Variants in CMTM8 observed in about 807,000 individuals in gnomAD.
CMTM8 encodes the protein CKLF like MARVEL transmembrane domain containing 8, also known as CKLF-like MARVEL transmembrane domain-containing protein 8.
Under a neutral mutation model 18.6 loss-of-function variants are expected in CMTM8, and 12 were observed. The observed-to-expected ratio is 0.65, with a 90% CI of 0.41 to 1.05. CMTM8 has a LOEUF of 1.05. Among genes scored for constraint, CMTM8 ranks in the 50% least tolerant of loss-of-function variants. The pLI is 0.00. For missense variants in CMTM8, 217 were observed against 227.2 expected (o/e 0.95, Z 0.29); for synonymous variants, 87 against 90.6 (o/e 0.96, Z 0.23).
intron 1 of CMTM8, among the ~76,000 whole-genome samples, chr3:32,300,233 G>C (rs1239817003): frequency 1.3e-5 from 2 of 152,178 alleles, no homozygotes; most frequent in East Asian, 3.9e-4. Flanking sequence ...ACCCAGCAAG[G>C]GCTGTCTGTT....
chr3:32,350,814 C>T (rs968728896), intron 1 of CMTM8, among the ~76,000 whole-genome samples: 4 of 151,918 alleles, frequency 2.6e-5, no homozygotes, highest in African/African-American at 7.3e-5. Context: ...TGAGCCACCA[C>T]GTCAAGCCTA....
At chr3:32,259,347 G>A (rs1417165573) in intron 1 of CMTM8, 1 of 741,020 alleles carries the variant, frequency 1.3e-6, no homozygotes, top group Non-Finnish European at 2.5e-6. Context: ...AAAGACCTGA[G>A]GGCTCAGGTC....
At chr3:32,333,498 T>C (rs554630752) in intron 1 of CMTM8, among the ~76,000 whole-genome samples, 2 of 152,302 alleles carry the variant, frequency 1.3e-5, no homozygotes, top group South Asian at 4.1e-4. Flanking sequence ...CACTGATGTT[T>C]GGGAAGCACT....
chr3:32,368,878 A>G (rs896517192), intron 3 of CMTM8, among the ~76,000 whole-genome samples: 2 of 152,234 alleles, frequency 1.3e-5, no homozygotes, highest in Non-Finnish European at 2.9e-5. Flanking sequence ...AAAATAGCCC[A>G]TCTCCAAAAG....
At chr3:32,350,807 G>A (rs1393412609) in intron 1 of CMTM8, among the ~76,000 whole-genome samples, 1 of 152,052 alleles carries the variant, frequency 6.6e-6, no homozygotes, top group Non-Finnish European at 1.5e-5. Context: ...ACAGGCGTGA[G>A]CCACCACGTC....
chr3:32,335,316 T>G (rs1201831355), intron 1 of CMTM8, among the ~76,000 whole-genome samples: 1 of 152,202 alleles, frequency 6.6e-6, no homozygotes, highest in Non-Finnish European at 1.5e-5. Context: ...AGCATATTTG[T>G]GCTCATCTCC....
At chr3:32,346,232 C>G (rs1450454583) in intron 1 of CMTM8, among the ~76,000 whole-genome samples, 3 of 152,176 alleles carry the variant, frequency 2.0e-5, no homozygotes, top group Non-Finnish European at 2.9e-5. Flanking sequence ...ACCCAAAAGG[C>G]TTGTGAAAAA....
chr3:32,242,517 A>C (rs887659970), intron 1 of CMTM8, among the ~76,000 whole-genome samples: 1 of 151,996 alleles, frequency 6.6e-6, no homozygotes, highest in Admixed American at 6.6e-5. Flanking sequence ...TTGTAGAGAC[A>C]GGGTTTCGCC....
intron 2 of CMTM8, 79 bp from the exon 3 acceptor site, chr3:32,367,793 C>A: frequency 1.1e-6 from 1 of 935,020 alleles, no homozygotes; most frequent in Non-Finnish European, 1.7e-6. Flanking sequence ...ACCAGAGGTA[C>A]AGCCCTCATC....
At position 32,273,548 on chromosome 3, in the gene CMTM8, C is replaced by G. The variant is rs58689557; in HGVS notation, c.147+34429C>G. Among the ~76,000 whole-genome samples, 729 of 152,142 alleles carry G rather than the reference C, an allele frequency of 4.8e-3. 8 individuals are homozygous for G. Among genetic ancestry groups the G allele is most frequent in the African/African-American group, 0.017 (700 of 41,498 alleles). ...TGATACATGCTATAGTATTGATGAC[C>G]CTTGAAAACATTATGCTAAGTGAAA... On this transcript the variant is annotated intron_variant, in intron 1 of 3. Coordinates refer to ENST00000307526, the MANE Select transcript of CMTM8 (RefSeq NM_178868.5).
intron 1 of CMTM8, among the ~76,000 whole-genome samples, chr3:32,250,736 ATTTC>A (rs1398676064): frequency 6.6e-6 from 1 of 151,546 alleles, no homozygotes; most frequent in Non-Finnish European, 1.5e-5. Flanking sequence ...GTTCTTTTTT[ATTTC>A]TTTCTTTTAT....
At chr3:32,354,802 C>T (rs1488412459) in intron 1 of CMTM8, among the ~76,000 whole-genome samples, 2 of 152,214 alleles carry the variant, frequency 1.3e-5, no homozygotes, top group Non-Finnish European at 2.9e-5. Flanking sequence ...ACCAGTCTTA[C>T]TGATCCAACA....
intron 1 of CMTM8, among the ~76,000 whole-genome samples, chr3:32,288,464 TA>T (rs1702720932): frequency 1.3e-5 from 2 of 151,502 alleles, no homozygotes; most frequent in African/African-American, 4.9e-5. Flanking sequence ...AACTTTTTTG[TA>T]GAGATGGGGG....
rs1044319208 is a variant in CMTM8 at position 32,289,200 on chromosome 3, C to T, written c.147+50081C>T. ...AAAGAAGTGAAAGCCCCAACGATAA[C>T]GGATCTAATTTTTCAGAGATGCCCT... On this transcript the variant is annotated intron_variant, in intron 1 of 3. Coordinates refer to ENST00000307526, the MANE Select transcript of CMTM8 (RefSeq NM_178868.5). Among the ~76,000 whole-genome samples, 6 of 152,280 alleles carry T rather than the reference C, an allele frequency of 3.9e-5. No individual in the cohort carries two copies. In the South Asian group the frequency reaches 6.2e-4, roughly 16 times the overall value.
chr3:32,268,848 A>G (rs1343838113), intron 1 of CMTM8, among the ~76,000 whole-genome samples: 2 of 152,192 alleles, frequency 1.3e-5, no homozygotes, highest in Non-Finnish European at 2.9e-5. Context: ...CTCTGATCTC[A>G]TTCCTTATCT....
intron 1 of CMTM8, among the ~76,000 whole-genome samples, chr3:32,320,772 A>G (rs1230458683): frequency 6.6e-6 from 1 of 152,080 alleles, no homozygotes; most frequent in Non-Finnish European, 1.5e-5. Context: ...ATGCTGGGTA[A>G]TATAAGGGTG....
intron 1 of CMTM8, among the ~76,000 whole-genome samples, chr3:32,258,122 C>T (rs1331505987): frequency 6.6e-6 from 1 of 152,128 alleles, no homozygotes; most frequent in Non-Finnish European, 1.5e-5. Flanking sequence ...GTTATTGCTT[C>T]TAATCTTTGG....
chr3:32,297,931 G>C (rs1294741770), intron 1 of CMTM8, among the ~76,000 whole-genome samples: 4 of 151,918 alleles, frequency 2.6e-5, no homozygotes, highest in African/African-American at 9.7e-5. Context: ...TTAAAAATTG[G>C]AGATGATGAG....
rs56252781 is a variant in CMTM8, at chr3:32,348,529, C to CTTTTTTTTTTTTTTTTTTTTTTT, written c.148-8831_148-8830insTTTTTTTTTTTTTTTTTTTTTTT. ...TTTTCTTCACTCTCTCTTCCTGGAACTTTTTTTTTTTTTGGAGACAAGATC... is the reference window on the plus strand; with the variant it reads ...TTTTCTTCACTCTCTCTTCCTGGAACTTTTTTTTTTTTTTTTTTTTTTTTTTTTTTTTTTTTGGAGACAAGATC... On this transcript the variant is annotated intron_variant, in intron 1 of 3. Coordinates refer to ENST00000307526, the MANE Select transcript of CMTM8 (RefSeq NM_178868.5). 8.8e-5 allele frequency among the ~76,000 whole-genome samples: 9 copies of CTTTTTTTTTTTTTTTTTTTTTTT among 102,050 alleles called. 2 individuals carry two copies. Among genetic ancestry groups the CTTTTTTTTTTTTTTTTTTTTTTT allele is most frequent in the Non-Finnish European group, 1.7e-4 (9 of 53,666 alleles). The allele number at this position is 102,050 out of a possible 152,430, so 66.9% of individuals were successfully genotyped here. A position where few individuals can be genotyped will look rare whatever the true frequency, so the allele number is the denominator to read the frequency against.
Sources: gnomAD v4.1 joint callset for allele counts (sites outside exome capture counted in the v4.1 genomes callset) on GRCh38, gnomAD v4.1.1 for gene constraint, MANE v1.5 for transcripts, NCBI Gene and HGNC (gene_info 2026-07-23, HGNC 2026-07-21) for gene names.